DEFB109B: variants seen among roughly 807,000 people sequenced by gnomAD.
DEFB109B encodes defensin beta 109B.
chr8:7,311,993 T>C (rs1427562878), upstream of DEFB109B, among the ~76,000 whole-genome samples: 1 of 128,742 alleles, frequency 7.8e-6, no homozygotes, highest in Non-Finnish European at 1.5e-5. Flanking sequence ...CATAATAAGA[T>C]AATGGAGATA....
At chr8:7,315,252 T>C (rs1181653332) in intron 1 of DEFB109B, among the ~76,000 whole-genome samples, 2 of 121,168 alleles carry the variant, frequency 1.7e-5, no homozygotes, top group Admixed American at 1.5e-4. Flanking sequence ...ACGCGGTGGC[T>C]CACGCCTGTA....
upstream of DEFB109B, among the ~76,000 whole-genome samples, chr8:7,312,207 G>A (rs542425649): frequency 6.7e-4 from 88 of 131,906 alleles, 4 homozygotes; most frequent in Middle Eastern, 7.9e-3. Context: ...GCAATATGGG[G>A]AGTTATTGTT....
rs527705477 is a variant in DEFB109B at position 7,315,303 on chromosome 8, G to T, written n.58+2400G>T. On this transcript the variant is annotated intron_variant and non_coding_transcript_variant, in intron 1 of 1. Coordinates refer to ENST00000382656, the Ensembl canonical transcript of DEFB109B. ...GAGGCCGAGGCCGGCAGATCACGAGGTCAGTGGCTAACACGGTGAAACCCT... is the reference window on the plus strand; with the variant it reads ...GAGGCCGAGGCCGGCAGATCACGAGTTCAGTGGCTAACACGGTGAAACCCT... Among the ~76,000 whole-genome samples, 3 of 132,410 alleles carry T rather than the reference G, an allele frequency of 2.3e-5. No homozygotes were observed. In the South Asian group the frequency reaches 6.7e-4, roughly 30 times the overall value. 86.9% of individuals were successfully genotyped at this position (132,410 alleles called of 152,430 possible).
chr8:7,313,710 T>C (rs1159776830), intron 1 of DEFB109B, among the ~76,000 whole-genome samples: 2 of 142,516 alleles, frequency 1.4e-5, no homozygotes, highest in South Asian at 2.1e-4. Context: ...AAAAACAGCA[T>C]AATAAACCTA....
upstream of DEFB109B, among the ~76,000 whole-genome samples, chr8:7,312,074 A>G: frequency 9.0e-6 from 1 of 111,170 alleles, no homozygotes; most frequent in East Asian, 2.2e-4. Flanking sequence ...TTGTTATATT[A>G]GTAGTTCCCT....
chr8:7,310,606 C>T (rs1352533561), upstream of DEFB109B, among the ~76,000 whole-genome samples: 5 of 142,478 alleles, frequency 3.5e-5, no homozygotes, highest in East Asian at 5.8e-4. Context: ...TGTGTGTGTG[C>T]ATGTGCGTGC....
At chr8:7,313,369 C>T in intron 1 of DEFB109B, among the ~76,000 whole-genome samples, 1 of 140,366 alleles carries the variant, frequency 7.1e-6, no homozygotes, top group Non-Finnish European at 1.5e-5. Context: ...AGGAGCTACT[C>T]TAAATGGGTG....
upstream of DEFB109B, among the ~76,000 whole-genome samples, chr8:7,309,616 G>A (rs1456899022): frequency 6.8e-6 from 1 of 147,850 alleles, no homozygotes; most frequent in Admixed American, 6.6e-5. Flanking sequence ...CATTGAGCAT[G>A]CAATCATGAA....
At chr8:7,311,919 T>A (rs1802628792), upstream of DEFB109B, among the ~76,000 whole-genome samples, 1 of 114,342 alleles carries the variant, frequency 8.7e-6, no homozygotes, top group Admixed American at 8.2e-5. Flanking sequence ...CAATGGTACA[T>A]CATAATTTTA....
At chr8:7,319,420 C>T (rs1295613441) in intron 1 of DEFB109B, 1 of 143,986 alleles carries the variant, frequency 6.9e-6, no homozygotes, top group Non-Finnish European at 1.5e-5. Flanking sequence ...CCTCAGTAAC[C>T]CACTCTGGCA....
chr8:7,313,509 G>A (rs1160334844), intron 1 of DEFB109B, among the ~76,000 whole-genome samples: 2 of 141,376 alleles, frequency 1.4e-5, no homozygotes, highest in African/African-American at 3.1e-5. Flanking sequence ...GATTTTCAAA[G>A]TGCAACTGAA....
At chr8:7,312,357 C>G (rs111847155), upstream of DEFB109B, among the ~76,000 whole-genome samples, 3 of 135,956 alleles carry the variant, frequency 2.2e-5, no homozygotes, top group African/African-American at 1.1e-4. Flanking sequence ...CAACAACAAC[C>G]ACAACAAAGG....
At chr8:7,319,965 T>C (rs1256612915), downstream of DEFB109B, 1 of 62,564 alleles carries the variant, frequency 1.6e-5, no homozygotes, top group Non-Finnish European at 2.9e-5. Context: ...TGAAACAAAA[T>C]AAAAATACAT....
chr8:7,312,179 T>C (rs1470525140), upstream of DEFB109B, among the ~76,000 whole-genome samples: 1 of 128,720 alleles, frequency 7.8e-6, no homozygotes, highest in Non-Finnish European at 1.5e-5. Context: ...GTTTGGTGTT[T>C]TACTGAGTGG....
upstream of DEFB109B, among the ~76,000 whole-genome samples, chr8:7,310,707 C>T (rs1319159429): frequency 1.8e-4 from 26 of 147,654 alleles, 3 homozygotes; most frequent in African/African-American, 6.7e-4. Context: ...TGGGGTTAAG[C>T]TACTCTGTCA....
At chr8:7,318,676 C>T (rs1803097014) in intron 1 of DEFB109B, 1 of 134,852 alleles carries the variant, frequency 7.4e-6, no homozygotes, top group Non-Finnish European at 1.5e-5. Flanking sequence ...AAGGTATTAA[C>T]TATTTTCTTC....
chr8:7,315,496 C>CAAAAAA (rs140776655), intron 1 of DEFB109B, among the ~76,000 whole-genome samples: 2 of 93,984 alleles, frequency 2.1e-5, no homozygotes, highest in South Asian at 3.7e-4. Context: ...GAGACTCCGT[C>CAAAAAA]AAAAAAAAAA....
intron 1 of DEFB109B, among the ~76,000 whole-genome samples, chr8:7,313,804 CA>C (rs1802768983): frequency 7.7e-6 from 1 of 130,048 alleles, no homozygotes; most frequent in South Asian, 2.2e-4. Flanking sequence ...AAATGTTTTT[CA>C]AAAAGTCTAA....
At chr8:7,319,768 G>A (rs767972452) in exon 2 of DEFB109B, 7 of 144,772 alleles carry the variant, frequency 4.8e-5, no homozygotes, top group African/African-American at 8.9e-5. Context: ...TGGGTCCTGC[G>A]GAAGGTCATT....
Sources: gnomAD v4.1 joint callset for allele counts (sites outside exome capture counted in the v4.1 genomes callset) on GRCh38, gnomAD v4.1.1 for gene constraint, MANE v1.5 for transcripts, NCBI Gene and HGNC (gene_info 2026-07-23, HGNC 2026-07-21) for gene names.